Variants in FAM174B observed in about 807,000 individuals in gnomAD.
FAM174B encodes the protein membrane protein FAM174B.
FAM174B carries 12 observed loss-of-function variants against 10.9 expected under a neutral mutation model. That is an observed-to-expected ratio of 1.10 (90% CI 0.71 to 1.79). FAM174B has a LOEUF of 1.79. FAM174B is among the 40% of genes most tolerant of loss of function. FAM174B has a pLI of 0.00. For synonymous variants in FAM174B, 132 were observed against 115.8 expected (o/e 1.14, Z -0.90); for missense variants, 266 against 233.3 (o/e 1.14, Z -0.91).
At chr15:92,642,170 T>C (rs1474384716) in intron 1 of FAM174B, among the ~76,000 whole-genome samples, 1 of 152,320 alleles carries the variant, frequency 6.6e-6, no homozygotes, top group Non-Finnish European at 1.5e-5. Context: ...ATAACAAATG[T>C]TGGTGAGGAT....
chr15:92,627,688 T>G (rs1227363421), intron 2 of FAM174B, among the ~76,000 whole-genome samples: 1 of 152,212 alleles, frequency 6.6e-6, no homozygotes, highest in Non-Finnish European at 1.5e-5. Context: ...CACCAAAGAT[T>G]GATGAGACGC....
Position 92,624,899 on chromosome 15 carries a change from C to T in FAM174B, c.476+5315G>A, listed in dbSNP as rs72756104. On this transcript the variant is annotated intron_variant, in intron 2 of 2. Transcript: ENST00000327355. ...CGGGAGGAAAAGCCCACATCTGTCT[C>T]TTCCTGGAGGACGCCTAGAGGGTGT... Among the ~76,000 whole-genome samples, 502 of 152,350 alleles carry T rather than the reference C, an allele frequency of 3.3e-3. 1 individual carries two copies. The highest frequency in any genetic ancestry group is 0.01 in the Middle Eastern group (3 of 294).
intron 1 of FAM174B, among the ~76,000 whole-genome samples, chr15:92,650,709 T>C (rs1285769538): frequency 6.6e-6 from 1 of 152,214 alleles, no homozygotes; most frequent in Non-Finnish European, 1.5e-5. Context: ...TTATGTGTAT[T>C]ATCCTGAATC....
At chr15:92,621,826 C>G (rs555167831) in intron 2 of FAM174B, among the ~76,000 whole-genome samples, 1 of 152,072 alleles carries the variant, frequency 6.6e-6, no homozygotes, top group Non-Finnish European at 1.5e-5. Flanking sequence ...TCACACCCCC[C>G]ACTGCAAAGA....
At chr15:92,655,239 G>A in intron 1 of FAM174B, 77 bp downstream of exon 1, 1 of 1,438,918 alleles carries the variant, frequency 6.9e-7, no homozygotes, top group South Asian at 1.5e-5. Context: ...TGCAGGTGGG[G>A]CGGGCGCGCG....
chr15:92,620,955 A>G (rs1044221919), intron 2 of FAM174B, among the ~76,000 whole-genome samples: 5 of 152,224 alleles, frequency 3.3e-5, no homozygotes, highest in South Asian at 2.1e-4. Flanking sequence ...TAATCCCATG[A>G]GCAAAAATAA....
At position 92,617,927 on chromosome 15, in the gene FAM174B, C is replaced by T. The variant is rs2050690247; in HGVS notation, c.*1529G>A. On this transcript the variant is annotated 3_prime_UTR_variant, in exon 3 of 3. Coordinates refer to ENST00000327355, the MANE Select transcript of FAM174B (RefSeq NM_207446.3). ...CCGGCTGCGCCACCCTCACCCAGGG[C>T]TTCCCACGGGCTCTGCTCTTTCCTG... is the stretch of plus-strand genomic sequence containing the variant. 2.5e-6 allele frequency: 1 copy of T among 401,272 alleles called. No homozygotes were observed. 24.9% of individuals were successfully genotyped at this position (401,272 alleles called of 1,614,324 possible).
At position 92,617,859 on chromosome 15, in the gene FAM174B, T is replaced by C. The variant is rs1218600676; in HGVS notation, c.*1597A>G. The C allele has an allele frequency of 2.1e-6, 1 of 467,344 alleles. No homozygotes were observed. Among genetic ancestry groups the C allele is most frequent in the Non-Finnish European group, 3.7e-6 (1 of 266,834 alleles). The allele number at this position is 467,344 out of a possible 1,614,324, so 28.9% of individuals were successfully genotyped here. ...AAGGTGAAATGCAGGGAGCAGAGAC[T>C]ACACGCAGGCCCCCCGTGGCTGGCA... On this transcript the variant is annotated 3_prime_UTR_variant, in exon 3 of 3. Transcript: ENST00000327355.
rs974371757 is a variant in FAM174B at position 92,618,424 on chromosome 15, G to A, written c.*1032C>T. 2.0e-5 allele frequency: 3 copies of A among 152,402 alleles called. No individual in the cohort carries two copies. Among genetic ancestry groups the A allele is most frequent in the Non-Finnish European group, 2.9e-5 (2 of 68,154 alleles). 9.4% of individuals were successfully genotyped at this position (152,402 alleles called of 1,614,324 possible). A position where few individuals can be genotyped will look rare whatever the true frequency, so the allele number is the denominator to read the frequency against. On this transcript the variant is annotated 3_prime_UTR_variant, in exon 3 of 3. Transcript: ENST00000327355. ...GTGAGCCACTCTCACCTGAACCTCT[G>A]CCTTCCGGCAGGGACCTCCTGGGTC...
At chr15:92,620,066 A>G (rs2050708926) in intron 2 of FAM174B, 1 of 153,792 alleles carries the variant, frequency 6.5e-6, no homozygotes, top group Non-Finnish European at 1.4e-5. Context: ...GATTTGGCCC[A>G]TGGGCCATAG....
intron 2 of FAM174B, 78 bp from the exon 3 acceptor site, chr15:92,619,537 T>C (rs2050705082): frequency 1.3e-6 from 2 of 1,488,528 alleles, no homozygotes; most frequent in Non-Finnish European, 1.8e-6. Context: ...TGAACATCTC[T>C]ATCCCTCACC....
At chr15:92,647,355 A>T (rs1376945475) in intron 1 of FAM174B, among the ~76,000 whole-genome samples, 1 of 152,112 alleles carries the variant, frequency 6.6e-6, no homozygotes, top group African/African-American at 2.4e-5. Context: ...TTTACCTAGC[A>T]TTGCTTTTAA....
At chr15:92,628,479 C>G (rs1268151092) in intron 2 of FAM174B, among the ~76,000 whole-genome samples, 2 of 151,836 alleles carry the variant, frequency 1.3e-5, no homozygotes, top group Non-Finnish European at 2.9e-5. Flanking sequence ...CATGCCCGAG[C>G]CCAGACATTT....
chr15:92,631,362 T>TA (rs1393782692), intron 1 of FAM174B, among the ~76,000 whole-genome samples: 2 of 14,050 alleles, frequency 1.4e-4, no homozygotes, highest in African/African-American at 8.0e-4. Context: ...ATATTATATA[T>TA]TATATTATAT....
intron 1 of FAM174B, among the ~76,000 whole-genome samples, chr15:92,635,168 C>CA (rs1491495142): frequency 0.021 from 93 of 4,378 alleles, no homozygotes; most frequent in Middle Eastern, 0.2. Context: ...TCCACACACA[C>CA]CCACACACAC....
chr15:92,645,970 C>A (rs1025563634), intron 1 of FAM174B, among the ~76,000 whole-genome samples: 5 of 152,152 alleles, frequency 3.3e-5, no homozygotes, highest in African/African-American at 9.7e-5. Context: ...TGTGAGTCCT[C>A]TTCTTCCTCA....
At chr15:92,641,240 CA>C (rs1352970621) in intron 1 of FAM174B, among the ~76,000 whole-genome samples, 4 of 152,222 alleles carry the variant, frequency 2.6e-5, no homozygotes, top group African/African-American at 9.6e-5. Flanking sequence ...CAAGGATGTA[CA>C]GAAACACTCT....
At chr15:92,624,813 C>G (rs2050742648) in intron 2 of FAM174B, among the ~76,000 whole-genome samples, 3 of 152,246 alleles carry the variant, frequency 2.0e-5, no homozygotes, top group Admixed American at 6.5e-5. Flanking sequence ...GCAGCGCGTT[C>G]TCCCAGCAGT....
intron 1 of FAM174B, among the ~76,000 whole-genome samples, chr15:92,636,140 C>T (rs988193398): frequency 1.2e-4 from 18 of 151,424 alleles, no homozygotes; most frequent in African/African-American, 4.1e-4. Flanking sequence ...GATTCTTTAA[C>T]GTGTCTTTTA....
Sources: gnomAD v4.1 joint callset for allele counts (sites outside exome capture counted in the v4.1 genomes callset) on GRCh38, gnomAD v4.1.1 for gene constraint, MANE v1.5 for transcripts, NCBI Gene and HGNC (gene_info 2026-07-23, HGNC 2026-07-21) for gene names.